The following TRHDE variants were observed in gnomAD, a reference collection of about 807,000 sequenced individuals.
TRHDE encodes the protein thyrotropin-releasing hormone-degrading ectoenzyme.
A neutral mutation model predicts 125.7 loss-of-function variants in TRHDE; 72 were observed. That is an observed-to-expected ratio of 0.57 (90% CI 0.47 to 0.70). The LOEUF (loss-of-function observed/expected upper bound fraction) is 0.70, where lower values mean the gene tolerates loss of function less well. Ranked by LOEUF, TRHDE falls within the 30% of genes least tolerant of loss-of-function variation. TRHDE has a pLI of 0.00. For missense variants in TRHDE, 1,110 were observed against 1,327.1 expected, an observed-to-expected ratio of 0.84 and a Z score of 2.54; for synonymous variants, 509 against 509.1, an observed-to-expected ratio of 1.00 and a Z score of 0.00.
intron 2 of TRHDE, among the ~76,000 whole-genome samples, chr12:72,267,361 C>T (rs535481296): frequency 3.3e-5 from 5 of 152,040 alleles, no homozygotes; most frequent in Non-Finnish European, 5.9e-5. Context: ...TACTAATTCT[C>T]TCTTTGGATA....
chr12:72,347,238 C>G (rs1870364996), intron 2 of TRHDE, among the ~76,000 whole-genome samples: 1 of 152,102 alleles, frequency 6.6e-6, no homozygotes, highest in Non-Finnish European at 1.5e-5. Context: ...AAATGAGAAG[C>G]AAGAAGACAA....
chr12:72,382,012 G>C (rs1347110355), intron 3 of TRHDE, among the ~76,000 whole-genome samples: 3 of 152,170 alleles, frequency 2.0e-5, no homozygotes, highest in Non-Finnish European at 4.4e-5. Flanking sequence ...TACCACAGCA[G>C]TGAAGGCAGA....
At chr12:72,525,499 T>G (rs766128704) in intron 6 of TRHDE, among the ~76,000 whole-genome samples, 11 of 152,062 alleles carry the variant, frequency 7.2e-5, no homozygotes, top group Non-Finnish European at 1.3e-4. Flanking sequence ...TATCCTAGGA[T>G]GACATTATTG....
intron 15 of TRHDE, among the ~76,000 whole-genome samples, chr12:72,632,718 T>TTTAA (rs1873547125): frequency 6.9e-6 from 1 of 144,314 alleles, no homozygotes; most frequent in Non-Finnish European, 1.5e-5. Flanking sequence ...GTAGGATGTG[T>TTTAA]TTAACATTGG....
chr12:72,345,447 T>C (rs1473842311), intron 2 of TRHDE, among the ~76,000 whole-genome samples: 2 of 152,094 alleles, frequency 1.3e-5, no homozygotes, highest in Non-Finnish European at 2.9e-5. Context: ...CAGGCATAAA[T>C]AACAAGTACA....
At chr12:72,360,923 C>A (rs1272239043) in intron 2 of TRHDE, among the ~76,000 whole-genome samples, 3 of 151,596 alleles carry the variant, frequency 2.0e-5, no homozygotes. Flanking sequence ...CACCTATCAA[C>A]CCATCACCTA....
chr12:72,319,970 T>A (rs1036592859), intron 2 of TRHDE, among the ~76,000 whole-genome samples: 7 of 124,340 alleles, frequency 5.6e-5, no homozygotes, highest in African/African-American at 1.7e-4. Flanking sequence ...ATCTGATAAT[T>A]ATGACATTTA....
chr12:72,280,263 G>T (rs1879647959), intron 1 of TRHDE, among the ~76,000 whole-genome samples: 1 of 152,190 alleles, frequency 6.6e-6, no homozygotes, highest in African/African-American at 2.4e-5. Context: ...TTGTTGTGAT[G>T]ATTACATCAG....
At chr12:72,155,891 G>A (rs139762154) in intron 2 of TRHDE, among the ~76,000 whole-genome samples, 267 of 152,264 alleles carry the variant, frequency 1.8e-3, no homozygotes, top group African/African-American at 6.1e-3. Flanking sequence ...CTCTAGCTGC[G>A]TGCTGGGAGA....
chr12:72,625,098 T>C (rs1190300807), intron 15 of TRHDE, among the ~76,000 whole-genome samples: 2 of 151,930 alleles, frequency 1.3e-5, no homozygotes, highest in South Asian at 2.1e-4. Flanking sequence ...TTACTGCAGA[T>C]GAACTGTTAT....
At chr12:72,342,879 C>T (rs181785400) in intron 2 of TRHDE, among the ~76,000 whole-genome samples, 60 of 152,144 alleles carry the variant, frequency 3.9e-4, no homozygotes, top group Middle Eastern at 3.4e-3. Context: ...TTCATGATAA[C>T]GCTAATAATT....
intron 15 of TRHDE, among the ~76,000 whole-genome samples, chr12:72,623,413 T>C (rs1458909127): frequency 6.6e-6 from 1 of 152,024 alleles, no homozygotes; most frequent in Non-Finnish European, 1.5e-5. Context: ...TCACCATAAT[T>C]TCTCTAGAAA....
chr12:72,638,635 G>T (rs1194757873), intron 15 of TRHDE, among the ~76,000 whole-genome samples: 6 of 152,002 alleles, frequency 3.9e-5, no homozygotes, highest in African/African-American at 1.2e-4. Flanking sequence ...TTTTGCAGCG[G>T]CTGGTACCGG....
intron 6 of TRHDE, among the ~76,000 whole-genome samples, chr12:72,528,737 C>A (rs1868397343): frequency 6.6e-6 from 1 of 152,098 alleles, no homozygotes; most frequent in African/African-American, 2.4e-5. Context: ...CCCCCCGCCT[C>A]TGCCTCCCAA....
intron 2 of TRHDE, among the ~76,000 whole-genome samples, chr12:72,161,243 G>A (rs1160803045): frequency 1.3e-5 from 2 of 152,064 alleles, no homozygotes; most frequent in Non-Finnish European, 2.9e-5. Context: ...GACGATCCTG[G>A]CCAACATGGT....
rs753921798 is a variant in TRHDE at position 72,619,024 on chromosome 12, TACA to T, written c.2459_2461del (p.Asn820del). On this transcript the variant is annotated inframe_deletion, in exon 13 of 19. Transcript: ENST00000261180. The stretch of plus-strand genomic sequence containing the variant: ...TAAATTACTGGACCGCATGGAAAAC[TACA>T]ACATTTTCAATGTAAAAAGATATAA... 4 of 1,557,698 alleles carry T rather than the reference TACA, an allele frequency of 2.6e-6. No homozygotes were observed. Among genetic ancestry groups the T allele is most frequent in the Non-Finnish European group, 3.5e-6 (4 of 1,157,446 alleles).
At position 72,541,804 on chromosome 12, in the gene TRHDE, C is replaced by T. The variant is rs146128587; in HGVS notation, c.1723-487C>T. On this transcript the variant is annotated intron_variant, in intron 6 of 18. Transcript: ENST00000261180. The stretch of plus-strand genomic sequence containing the variant: ...AGCAGACTTAAGATTTGAACCCAGA[C>T]AGTCTGACTTCTTGGTACTCTACTC... Among the ~76,000 whole-genome samples, 1,425 of 151,514 alleles carry T rather than the reference C, an allele frequency of 9.4e-3. 20 individuals carry two copies. The highest frequency in any genetic ancestry group is 0.027 in the South Asian group (132 of 4,826).
chr12:72,535,840 C>T (rs1482265944), intron 6 of TRHDE, among the ~76,000 whole-genome samples: 2 of 152,116 alleles, frequency 1.3e-5, no homozygotes, highest in Non-Finnish European at 2.9e-5. Flanking sequence ...GCAGAAACAT[C>T]ATTTACAAAT....
intron 1 of TRHDE, among the ~76,000 whole-genome samples, chr12:72,094,398 T>A (rs561997104): frequency 2.4e-4 from 36 of 152,100 alleles, no homozygotes; most frequent in Non-Finnish European, 4.6e-4. Context: ...GGGTTACTGA[T>A]GAGCATATCT....
Sources: gnomAD v4.1 joint callset for allele counts (sites outside exome capture counted in the v4.1 genomes callset) on GRCh38, gnomAD v4.1.1 for gene constraint, MANE v1.5 for transcripts, NCBI Gene and HGNC (gene_info 2026-07-23, HGNC 2026-07-21) for gene names.